PRKCB: variants seen among roughly 807,000 people sequenced by gnomAD.
The protein encoded by PRKCB is protein kinase C beta type.
In PRKCB, 13 loss-of-function variants were observed where a neutral mutation model predicts 81.5. The observed-to-expected ratio is 0.16, with a 90% CI of 0.10 to 0.25. The LOEUF is 0.25. Ranked by LOEUF, PRKCB falls within the 10% of genes least tolerant of loss-of-function variation. The pLI is 1.00. For synonymous variants in PRKCB, 335 were observed against 321.4 expected (o/e 1.04, Z -0.45); for missense variants, 509 against 875.7 (o/e 0.58, Z 5.29).
chr16:24,050,994 T>G (rs1965834456), intron 5 of PRKCB, among the ~76,000 whole-genome samples: 4 of 152,202 alleles, frequency 2.6e-5, no homozygotes, highest in Admixed American at 2.6e-4. Context: ...CTTGTAGGGT[T>G]TGGCCTTTTG....
rs1042223176 is a variant in PRKCB, at chr16:24,216,371, G to A, written c.*1555G>A. The A allele has an allele frequency of 9.5e-5, 94 of 985,422 alleles. No homozygotes were observed. Among genetic ancestry groups the A allele is most frequent in the Middle Eastern group, 5.2e-4 (1 of 1,914 alleles). 61.0% of individuals were successfully genotyped at this position (985,422 alleles called of 1,614,324 possible). A position where few individuals can be genotyped will look rare whatever the true frequency, so the allele number is the denominator to read the frequency against. The stretch of plus-strand genomic sequence containing the variant: ...CTTTGTGAGCTCCCTGAAGCCCAAG[G>A]AAACCCTTCGGTGGGAGAAATTTCA... On this transcript the variant is annotated 3_prime_UTR_variant, in exon 17 of 17. Transcript: ENST00000643927.
At chr16:24,036,552 G>A (rs1198546153) in intron 5 of PRKCB, among the ~76,000 whole-genome samples, 3 of 152,150 alleles carry the variant, frequency 2.0e-5, no homozygotes, top group Admixed American at 6.5e-5. Flanking sequence ...GACTGGTTCA[G>A]TAGCTCTGAT....
chr16:24,089,228 A>C (rs1966345539), intron 5 of PRKCB, among the ~76,000 whole-genome samples: 1 of 152,242 alleles, frequency 6.6e-6, no homozygotes, highest in African/African-American at 2.4e-5. Flanking sequence ...CATCACATGG[A>C]AATGTTTTAG....
Position 23,996,377 on chromosome 16 carries a change from C to T in PRKCB, c.288+7787C>T, listed in dbSNP as rs144206947. ...TGGAGGTTATGCATGGGCTCAGCAG[C>T]ATAGACTTCCACTCATCAAGGCTGA... On this transcript the variant is annotated intron_variant, in intron 3 of 16. Coordinates refer to ENST00000643927, the MANE Select transcript of PRKCB (RefSeq NM_002738.7). Among the ~76,000 whole-genome samples, 139 of 152,276 alleles carry T rather than the reference C, an allele frequency of 9.1e-4. 1 individual carries two copies. Among genetic ancestry groups the T allele is most frequent in the African/African-American group, 2.9e-3 (121 of 41,562 alleles).
intron 2 of PRKCB, among the ~76,000 whole-genome samples, chr16:23,916,667 A>G (rs1228255533): frequency 6.6e-6 from 1 of 152,194 alleles, no homozygotes; most frequent in Non-Finnish European, 1.5e-5. Flanking sequence ...TCTCTTCCTC[A>G]AACACGTACA....
chr16:23,852,796 C>A (rs1261650778), intron 2 of PRKCB, among the ~76,000 whole-genome samples: 1 of 152,190 alleles, frequency 6.6e-6, no homozygotes, highest in East Asian at 1.9e-4. Context: ...TGATTACTTT[C>A]ATCTGTTCCT....
intron 3 of PRKCB, among the ~76,000 whole-genome samples, chr16:24,002,071 C>T (rs1332200296): frequency 1.3e-5 from 2 of 152,070 alleles, no homozygotes; most frequent in Admixed American, 6.6e-5. Context: ...ATTCTTCTGA[C>T]CTGGGTTTAT....
intron 2 of PRKCB, among the ~76,000 whole-genome samples, chr16:23,987,679 A>G (rs1392858864): frequency 6.6e-6 from 1 of 152,106 alleles, no homozygotes; most frequent in East Asian, 1.9e-4. Context: ...TTTACTAAGC[A>G]TGCACTTTAG....
intron 2 of PRKCB, among the ~76,000 whole-genome samples, chr16:23,863,760 T>G (rs557299958): frequency 6.6e-6 from 1 of 152,250 alleles, no homozygotes; most frequent in African/African-American, 2.4e-5. Context: ...ATATTAAAAT[T>G]GGTATTAGTA....
chr16:24,214,990 A>T lies in PRKCB; in HGVS notation c.*174A>T. 1 of 1,436,478 alleles carries T rather than the reference A, an allele frequency of 7.0e-7. No homozygotes were observed. The highest frequency in any genetic ancestry group is 9.1e-7 in the Non-Finnish European group (1 of 1,099,576). 89.0% of individuals were successfully genotyped at this position (1,436,478 alleles called of 1,614,324 possible). On this transcript the variant is annotated 3_prime_UTR_variant, in exon 17 of 17. Transcript: ENST00000643927. Reference sequence around the variant, plus strand: ...TCAGGTAGTTTGGAGCATCTCTATGAGATGGGATTATGCAGATGGCCTATG... The same window carrying T: ...TCAGGTAGTTTGGAGCATCTCTATGTGATGGGATTATGCAGATGGCCTATG...
At position 24,168,714 on chromosome 16, in the gene PRKCB, C is replaced by CTT. The variant is rs1323903107; in HGVS notation, c.1240-3555_1240-3554insTT. Among the ~76,000 whole-genome samples, 52 of 120,860 alleles carry CTT rather than the reference C, an allele frequency of 4.3e-4. 4 individuals carry two copies. Among genetic ancestry groups the CTT allele is most frequent in the East Asian group, 2.0e-3 (8 of 4,042 alleles). The allele number at this position is 120,860 out of a possible 152,430, so 79.3% of individuals were successfully genotyped here. A position where few individuals can be genotyped will look rare whatever the true frequency, so the allele number is the denominator to read the frequency against. On this transcript the variant is annotated intron_variant, in intron 10 of 16. Coordinates refer to ENST00000643927, the MANE Select transcript of PRKCB (RefSeq NM_002738.7). The stretch of plus-strand genomic sequence containing the variant: ...TACAGGTGCTCACCACCATGCCTGG[C>CTT]TATTTTTTTTTTTTTTTTTTTTTTG...
chr16:24,154,925 T>C (rs1967135188), intron 10 of PRKCB, 68 bp downstream of exon 10: 1 of 1,526,238 alleles, frequency 6.6e-7, no homozygotes, highest in Non-Finnish European at 8.9e-7. Flanking sequence ...AAAGCTATCT[T>C]AGCAGCACCC....
chr16:24,211,980 C>G (rs765372144), intron 16 of PRKCB, among the ~76,000 whole-genome samples: 18 of 152,292 alleles, frequency 1.2e-4, no homozygotes, highest in African/African-American at 3.9e-4. Context: ...TGAAGAAGAG[C>G]GTGCACCTCT....
chr16:23,866,916 C>G (rs57309708), intron 2 of PRKCB, among the ~76,000 whole-genome samples: 9,683 of 151,302 alleles, frequency 0.064, 1,017 homozygotes, highest in African/African-American at 0.22. Context: ...CTGTCCCCTT[C>G]TCTTCTCTTC....
At chr16:24,168,541 CTTTTTTTTTTTTTTTTT>C (rs56671761) in intron 10 of PRKCB, among the ~76,000 whole-genome samples, 18 of 76,330 alleles carry the variant, frequency 2.4e-4, no homozygotes, top group African/African-American at 3.1e-4. Context: ...TCTTCTTCTA[CTTTTTTTTTTTTTTTTT>C]TTTTTTTTTT....
intron 2 of PRKCB, among the ~76,000 whole-genome samples, chr16:23,938,916 A>G (rs191865774): frequency 2.2e-4 from 33 of 152,364 alleles, no homozygotes; most frequent in Middle Eastern, 3.4e-3. Context: ...AGAAAGAAAT[A>G]AAACTGTATT....
intron 3 of PRKCB, among the ~76,000 whole-genome samples, chr16:23,992,285 G>A (rs561012272): frequency 2.1e-4 from 32 of 152,284 alleles, no homozygotes; most frequent in Admixed American, 2.1e-3. Context: ...AGTGTATAGA[G>A]GAACAAAATT....
chr16:24,196,860 T>C (rs1044649056), intron 16 of PRKCB, among the ~76,000 whole-genome samples: 2 of 152,130 alleles, frequency 1.3e-5, no homozygotes, highest in Admixed American at 6.5e-5. Flanking sequence ...AGTGAAGGGG[T>C]ATATACAGTT....
In PRKCB at chr16:24,176,361, T is replaced by C. The variant is rs558665946; in HGVS notation, c.1394+1781T>C. On this transcript the variant is annotated intron_variant, in intron 12 of 16. Transcript: ENST00000643927. ...CCAGGAGTTCGAAACTGCAGTGAGCTATGATTGTGCCACTGCACTCCAGCC... is the reference window on the plus strand; with the variant it reads ...CCAGGAGTTCGAAACTGCAGTGAGCCATGATTGTGCCACTGCACTCCAGCC... Among the ~76,000 whole-genome samples, 26 of 152,258 alleles carry C rather than the reference T, an allele frequency of 1.7e-4. No individual in the cohort carries two copies. The South Asian group carries it at 4.8e-3, about 28-fold the overall frequency.
Sources: allele counts gnomAD v4.1 joint callset (sites outside exome capture counted in the v4.1 genomes callset), GRCh38; gene constraint gnomAD v4.1.1; transcripts MANE v1.5; gene names NCBI Gene and HGNC (gene_info 2026-07-23, HGNC 2026-07-21).